The following COL22A1 variants were observed in gnomAD, a reference collection of about 807,000 sequenced individuals.
The protein encoded by COL22A1 is collagen type XXII alpha 1 chain, also known as collagen alpha-1(XXII) chain.
A neutral mutation model predicts 248.9 loss-of-function variants in COL22A1; 221 were observed. That is an observed-to-expected ratio of 0.89 (90% CI 0.80 to 0.99). The LOEUF (loss-of-function observed/expected upper bound fraction) is 0.99, where lower values mean the gene tolerates loss of function less well. Among genes scored for constraint, COL22A1 ranks in the 50% least tolerant of loss-of-function variants. COL22A1 has a pLI of 0.00. For synonymous variants in COL22A1, 891 were observed against 793.4 expected (o/e 1.12, Z -2.07); for missense variants, 2,240 against 2,179.0 (o/e 1.03, Z -0.56).
intron 1 of COL22A1, among the ~76,000 whole-genome samples, chr8:138,907,207 T>C (rs28560401): frequency 0.037 from 5,639 of 152,278 alleles, 135 homozygotes; most frequent in South Asian, 0.061. Flanking sequence ...TAGGGGAGCC[T>C]GTGGCTTTGT....
chr8:138,789,939 C>T (rs748095476), intron 12 of COL22A1, among the ~76,000 whole-genome samples: 12 of 152,228 alleles, frequency 7.9e-5, no homozygotes, highest in Non-Finnish European at 2.9e-5. Flanking sequence ...GATAAAATCA[C>T]CAGTGCTGGC....
At chr8:138,685,931 G>A (rs1187174815) in intron 37 of COL22A1, among the ~76,000 whole-genome samples, 3 of 152,100 alleles carry the variant, frequency 2.0e-5, no homozygotes, top group Non-Finnish European at 2.9e-5. Context: ...CCCAGTGCGG[G>A]CAAATCTATT....
intron 1 of COL22A1, among the ~76,000 whole-genome samples, chr8:138,909,697 TG>T (rs1244302937): frequency 1.3e-5 from 2 of 152,212 alleles, no homozygotes; most frequent in Non-Finnish European, 2.9e-5. Flanking sequence ...GGAGGTAGCA[TG>T]GCTGAGTTTG....
chr8:138,880,535 A>T (rs1479334005), intron 2 of COL22A1, among the ~76,000 whole-genome samples: 1 of 152,240 alleles, frequency 6.6e-6, no homozygotes, highest in Non-Finnish European at 1.5e-5. Context: ...ATACTCCCAC[A>T]AATGCTTCCC....
In COL22A1 at chr8:138,806,062, G is replaced by GATGGTGTGTGT. The variant is rs796503279; in HGVS notation, c.1494+1705_1494+1706insACACACACCAT. 1.7e-4 allele frequency among the ~76,000 whole-genome samples: 16 copies of GATGGTGTGTGT among 96,594 alleles called. 1 individual carries two copies. The highest frequency in any genetic ancestry group is 3.6e-4 in the African/African-American group (6 of 16,522). The allele number at this position is 96,594 out of a possible 152,430, so 63.4% of individuals were successfully genotyped here. ...TGTGATGGTGTAGGTAATGGTGTGTGGTGGTGTGTGTGATGGTGTGTGTAA... is the reference window on the plus strand; with the variant it reads ...TGTGATGGTGTAGGTAATGGTGTGTGATGGTGTGTGTGTGGTGTGTGTGATGGTGTGTGTAA... On this transcript the variant is annotated intron_variant, in intron 10 of 64. Transcript: ENST00000303045.
chr8:138,660,634 G>A (rs970288361), intron 43 of COL22A1, among the ~76,000 whole-genome samples, 154 bp from the exon 44 acceptor site: 6 of 152,124 alleles, frequency 3.9e-5, no homozygotes, highest in African/African-American at 4.8e-5. Context: ...ATAAAAATGC[G>A]TGGTTTCTAA....
chr8:138,706,963 C>T (rs777786650), intron 30 of COL22A1, among the ~76,000 whole-genome samples: 8 of 152,092 alleles, frequency 5.3e-5, no homozygotes, highest in African/African-American at 1.7e-4. Flanking sequence ...ATATCACCAC[C>T]GATCGCACAG....
chr8:138,854,464 C>G (rs569434948), intron 3 of COL22A1, among the ~76,000 whole-genome samples: 20 of 152,234 alleles, frequency 1.3e-4, no homozygotes, highest in African/African-American at 4.8e-4. Context: ...GTGACCTGCT[C>G]CTGGTTACTC....
At chr8:138,598,302 G>A (rs1021555247) in intron 61 of COL22A1, among the ~76,000 whole-genome samples, 17 of 152,280 alleles carry the variant, frequency 1.1e-4, no homozygotes, top group East Asian at 3.9e-4. Flanking sequence ...GCCAGGCATC[G>A]AAATGGATGG....
At chr8:138,638,632 G>T (rs906569862) in intron 47 of COL22A1, among the ~76,000 whole-genome samples, 3 of 151,588 alleles carry the variant, frequency 2.0e-5, no homozygotes, top group Non-Finnish European at 4.4e-5. Context: ...GTTTAGAAGA[G>T]AAAAAAAATG....
chr8:138,630,637 G>A (rs1820634051), intron 50 of COL22A1, 58 bp downstream of exon 50: 1 of 1,484,888 alleles, frequency 6.7e-7, no homozygotes, highest in Non-Finnish European at 9.4e-7. Context: ...CAAACACCTG[G>A]GGTTCCAGAA....
chr8:138,876,738 C>T (rs1423779685), intron 3 of COL22A1, among the ~76,000 whole-genome samples: 1 of 152,142 alleles, frequency 6.6e-6, no homozygotes, highest in Non-Finnish European at 1.5e-5. Flanking sequence ...TTCCATGCTG[C>T]CCCAGCCCCC....
At chr8:138,794,074 A>C (rs1032824242) in intron 12 of COL22A1, among the ~76,000 whole-genome samples, 5 of 152,124 alleles carry the variant, frequency 3.3e-5, no homozygotes, top group Non-Finnish European at 5.9e-5. Context: ...ACTGGAACCG[A>C]GCATGCAAGC....
At position 138,594,037 on chromosome 8, in the gene COL22A1, G is replaced by A. The variant is rs201591565; in HGVS notation, c.4595C>T (p.Ser1532Phe). The part of the protein sequence containing the change: ...RPGQGGLEGP[S>F]GPIGPKGERG... ...CTCACCTTTGGGACCTATGGGTCCA[G>A]AGGGTCCTTCCAGACCCCCCTGCCC... Residue 1532 changes from serine (S) to phenylalanine (F), a missense_variant, in exon 63 of 65, where the codon TCT becomes TTT. Coordinates refer to ENST00000303045, the MANE Select transcript of COL22A1 (RefSeq NM_152888.3). 2.5e-6 allele frequency: 4 copies of A among 1,584,580 alleles called. No individual in the cohort carries two copies. Among genetic ancestry groups the A allele is most frequent in the Non-Finnish European group, 3.4e-6 (4 of 1,170,406 alleles).
At chr8:138,886,594 C>T (rs1824684762) in intron 1 of COL22A1, among the ~76,000 whole-genome samples, 1 of 152,156 alleles carries the variant, frequency 6.6e-6, no homozygotes, top group African/African-American at 2.4e-5. Context: ...CTTACTAGCT[C>T]CCAAACTTGA....
At chr8:138,863,688 T>G (rs1374267735) in intron 3 of COL22A1, among the ~76,000 whole-genome samples, 1 of 152,196 alleles carries the variant, frequency 6.6e-6, no homozygotes, top group Non-Finnish European at 1.5e-5. Flanking sequence ...CTCTGCCTCC[T>G]GCAGTTTTAC....
At chr8:138,725,675 G>A (rs1413362772) in intron 23 of COL22A1, among the ~76,000 whole-genome samples, 1 of 152,126 alleles carries the variant, frequency 6.6e-6, no homozygotes, top group African/African-American at 2.4e-5. Context: ...GCCATCGCCT[G>A]TAATATTATC....
At chr8:138,761,195 T>C (rs912396504) in intron 17 of COL22A1, among the ~76,000 whole-genome samples, 1 of 152,162 alleles carries the variant, frequency 6.6e-6, no homozygotes, top group African/African-American at 2.4e-5. Flanking sequence ...TATTGTTTTT[T>C]GCACACTCAT....
intron 50 of COL22A1, among the ~76,000 whole-genome samples, chr8:138,627,764 C>T (rs986422902): frequency 1.4e-4 from 21 of 152,164 alleles, no homozygotes; most frequent in African/African-American, 5.1e-4. Context: ...TTGTTCCTAC[C>T]GGATGAGTTC....
Sources: gnomAD v4.1 joint callset for allele counts (sites outside exome capture counted in the v4.1 genomes callset) on GRCh38, gnomAD v4.1.1 for gene constraint, MANE v1.5 for transcripts, NCBI Gene and HGNC (gene_info 2026-07-23, HGNC 2026-07-21) for gene names.